COL21A1: variants seen among roughly 807,000 people sequenced by gnomAD.
The protein encoded by COL21A1 is collagen alpha-1(XXI) chain.
COL21A1 carries 149 observed loss-of-function variants against 137.9 expected under a neutral mutation model. The ratio of observed to expected loss-of-function variants is 1.08; its 90% CI spans 0.95 to 1.24. The LOEUF is 1.24. Among genes scored for constraint, COL21A1 ranks in the 50% most tolerant of loss-of-function variants. COL21A1 has a pLI of 0.00. For missense variants in COL21A1, 1,167 were observed against 1,158.4 expected (o/e 1.01, Z -0.11); for synonymous variants, 456 against 391.5 (o/e 1.16, Z -1.95).
At position 56,164,895 on chromosome 6, in the gene COL21A1, A is replaced by G. The variant is rs934211409; in HGVS notation, c.1279-73T>C. ...TATAAATTATCAGCCTAATTTACAG[A>G]TATTTCACCATCCAGATTAGAGATA... is the stretch of plus-strand genomic sequence containing the variant. On this transcript the variant is annotated intron_variant, in intron 7 of 29. Transcript: ENST00000244728. 2.3e-5 allele frequency: 26 copies of G among 1,123,878 alleles called. No individual in the cohort carries two copies. In the African/African-American group the frequency reaches 3.6e-4, roughly 16 times the overall value. 69.6% of individuals were successfully genotyped at this position (1,123,878 alleles called of 1,614,324 possible).
Position 56,170,734 on chromosome 6 carries a change from T to C in COL21A1, c.941A>G (p.Asn314Ser). 6.2e-7 allele frequency: 1 copy of C among 1,608,378 alleles called. No homozygotes were observed. The highest frequency in any genetic ancestry group is 8.5e-7 in the Non-Finnish European group (1 of 1,176,602). ...AAATAATAAGATTTTGTCCACACCA[T>C]TTAAGGTAACTGCTATTTGTGGCCT... is the stretch of plus-strand genomic sequence containing the variant. ...DGRPQIAVTL[N>S]GVDKILLFTT... The change falls in exon 5 of 30, where the codon AAT (asparagine) becomes AGT (serine). Residue 314 changes from asparagine to serine, a missense_variant. Asn to Ser is a conservative substitution (Grantham distance 46, BLOSUM62 1). Coordinates refer to ENST00000244728, the MANE Select transcript of COL21A1 (RefSeq NM_030820.4).
At chr6:56,094,362 A>G (rs571318359) in intron 17 of COL21A1, among the ~76,000 whole-genome samples, 1 of 152,282 alleles carries the variant, frequency 6.6e-6, no homozygotes, top group East Asian at 1.9e-4. Flanking sequence ...TTTAATGTCC[A>G]TTCATCTAGC....
chr6:56,152,851 T>G (rs1431968638), intron 10 of COL21A1, among the ~76,000 whole-genome samples: 2 of 152,160 alleles, frequency 1.3e-5, no homozygotes, highest in Non-Finnish European at 2.9e-5. Context: ...GACATCAGTG[T>G]GTGAACTGCA....
chr6:56,058,826 A>G (rs1765548905), intron 29 of COL21A1, among the ~76,000 whole-genome samples: 1 of 152,198 alleles, frequency 6.6e-6, no homozygotes, highest in African/African-American at 2.4e-5. Flanking sequence ...AGCAGAGATT[A>G]CTTAACCGCT....
At chr6:56,275,473 G>A (rs1313945570) in intron 1 of COL21A1, among the ~76,000 whole-genome samples, 1 of 151,920 alleles carries the variant, frequency 6.6e-6, no homozygotes, top group Non-Finnish European at 1.5e-5. Context: ...TCTGACAAAG[G>A]TCTAATATCC....
intron 1 of COL21A1, among the ~76,000 whole-genome samples, chr6:56,257,072 G>A (rs1782990413): frequency 6.6e-6 from 1 of 152,116 alleles, no homozygotes. Flanking sequence ...CAAGTTCTGT[G>A]AGGTCTCACA....
intron 16 of COL21A1, among the ~76,000 whole-genome samples, chr6:56,117,273 G>A (rs1554138557): frequency 1.3e-5 from 2 of 151,830 alleles, no homozygotes; most frequent in African/African-American, 4.8e-5. Flanking sequence ...CATGCCAACA[G>A]AAACCAAAAA....
chr6:56,079,886 A>G (rs1443840805), intron 17 of COL21A1, among the ~76,000 whole-genome samples: 1 of 151,662 alleles, frequency 6.6e-6, no homozygotes. Context: ...ACAGGATATC[A>G]AAAACAAAAC....
At chr6:56,373,893 G>T (rs370159236) in intron 1 of COL21A1, among the ~76,000 whole-genome samples, 1 of 152,032 alleles carries the variant, frequency 6.6e-6, no homozygotes, top group African/African-American at 2.4e-5. Flanking sequence ...ACATCTCCTC[G>T]TAAACAGGCT....
intron 1 of COL21A1, among the ~76,000 whole-genome samples, chr6:56,210,365 T>C (rs148728651): frequency 8.5e-5 from 13 of 152,158 alleles, no homozygotes; most frequent in African/African-American, 2.9e-4. Context: ...TGGGCACAAA[T>C]AAAGAGAATA....
chr6:56,294,693 T>G (rs1314914116), intron 1 of COL21A1, among the ~76,000 whole-genome samples: 2 of 152,072 alleles, frequency 1.3e-5, no homozygotes, highest in Non-Finnish European at 2.9e-5. Context: ...TAATGTACAG[T>G]TCTCTAAATG....
intron 1 of COL21A1, among the ~76,000 whole-genome samples, chr6:56,316,795 T>C (rs751609565): frequency 1.3e-5 from 2 of 152,130 alleles, no homozygotes; most frequent in African/African-American, 4.8e-5. Flanking sequence ...ATTATTCTTA[T>C]TTTTTATAAA....
intron 1 of COL21A1, among the ~76,000 whole-genome samples, chr6:56,288,600 G>A (rs1426884266): frequency 2.6e-5 from 4 of 152,204 alleles, no homozygotes; most frequent in African/African-American, 9.7e-5. Flanking sequence ...TGAAAGAGCA[G>A]AAAGAGTAGA....
At chr6:56,323,142 T>C (rs1376594888) in intron 1 of COL21A1, among the ~76,000 whole-genome samples, 2 of 152,098 alleles carry the variant, frequency 1.3e-5, no homozygotes, top group African/African-American at 4.8e-5. Flanking sequence ...CCATGCAACA[T>C]GTATCCTTTG....
intron 1 of COL21A1, among the ~76,000 whole-genome samples, chr6:56,269,427 G>A (rs540033387): frequency 5.5e-4 from 84 of 151,832 alleles, no homozygotes; most frequent in African/African-American, 1.6e-3. Flanking sequence ...AGGCCGAGGC[G>A]GGCGGATCAC....
At chr6:56,180,156 C>T in intron 2 of COL21A1, 27 bp from the exon 3 acceptor site, 3 of 1,549,782 alleles carry the variant, frequency 1.9e-6, no homozygotes, top group Non-Finnish European at 2.6e-6. Flanking sequence ...ACCATCATAG[C>T]ACATCTTTTA....
In COL21A1 at chr6:56,362,934, G is replaced by A. The variant is rs112304352; in HGVS notation, c.-39+31037C>T. Among the ~76,000 whole-genome samples, 333 of 152,114 alleles carry A rather than the reference G, an allele frequency of 2.2e-3. 1 individual carries two copies. Among genetic ancestry groups the A allele is most frequent in the Non-Finnish European group, 3.5e-3 (240 of 67,988 alleles). On this transcript the variant is annotated intron_variant, in intron 1 of 28. Coordinates refer to the COL21A1 transcript ENST00000370819. ...CCCACATTGCCCCTTATATTTCCAG[G>A]GCTTATCACAATGATGCCTTTCTCC... is the stretch of plus-strand genomic sequence containing the variant.
intron 17 of COL21A1, among the ~76,000 whole-genome samples, chr6:56,099,275 C>T: frequency 6.9e-6 from 1 of 145,682 alleles, no homozygotes; most frequent in East Asian, 2.0e-4. Flanking sequence ...GCTCTGTCGC[C>T]CAGGCTGGAG....
chr6:56,064,621 C>A lies in COL21A1; in HGVS notation c.2129G>T (p.Gly710Val), dbSNP rs1205855821. 1.9e-6 allele frequency: 3 copies of A among 1,582,706 alleles called. No individual in the cohort carries two copies. The highest frequency in any genetic ancestry group is 1.4e-5 in the African/African-American group (1 of 73,874). Residue 710 changes from glycine (G) to valine (V), a missense_variant and splice_region_variant, in exon 24 of 30, where the codon GGT becomes GTT. By Grantham distance (109) the Gly-to-Val change is moderately radical. Coordinates refer to ENST00000244728, the MANE Select transcript of COL21A1 (RefSeq NM_030820.4). Reference sequence around the variant, plus strand: ...CTGTCTTCCATTTTCTCCCTTTTGACCCTTTAAAATAAAAAAAAACATTAT... The same window carrying A: ...CTGTCTTCCATTTTCTCCCTTTTGAACCTTTAAAATAAAAAAAAACATTAT... ...KGNQGEKGIQ[G>V]QKGENGRQGI...
Sources: gnomAD v4.1 joint callset for allele counts (sites outside exome capture counted in the v4.1 genomes callset) on GRCh38, gnomAD v4.1.1 for gene constraint, MANE v1.5 for transcripts, NCBI Gene and HGNC (gene_info 2026-07-23, HGNC 2026-07-21) for gene names.